The following ARHGAP39 variants were observed in gnomAD, a reference collection of about 807,000 sequenced individuals.
The protein encoded by ARHGAP39 is rho GTPase-activating protein 39.
Under a neutral mutation model 106.9 loss-of-function variants are expected in ARHGAP39, and 44 were observed. The ratio of observed to expected loss-of-function variants is 0.41; its 90% CI spans 0.32 to 0.53. The LOEUF (loss-of-function observed/expected upper bound fraction) is 0.53. ARHGAP39 is among the 20% of genes least tolerant of loss of function. The pLI, the probability that ARHGAP39 is intolerant of heterozygous loss-of-function variation, is 0.21. For missense variants in ARHGAP39, 1,496 were observed against 1,577.3 expected, an observed-to-expected ratio of 0.95 and a Z score of 0.87; for synonymous variants, 768 against 693.2, an observed-to-expected ratio of 1.11 and a Z score of -1.69.
intron 2 of ARHGAP39, among the ~76,000 whole-genome samples, chr8:144,592,655 C>T (rs1187123327): frequency 6.7e-6 from 1 of 149,894 alleles, no homozygotes; most frequent in Non-Finnish European, 1.5e-5. Context: ...CCTCGGGAAA[C>T]CTGAGGGCAC....
At chr8:144,602,054 G>A (rs1233955441) in intron 2 of ARHGAP39, among the ~76,000 whole-genome samples, 2 of 132,680 alleles carry the variant, frequency 1.5e-5, no homozygotes, top group Non-Finnish European at 3.1e-5. Context: ...TGTGCGTGGA[G>A]GCATGCGTGC....
intron 1 of ARHGAP39, among the ~76,000 whole-genome samples, chr8:144,653,479 A>C (rs1821623100): frequency 6.6e-6 from 1 of 152,168 alleles, no homozygotes; most frequent in Admixed American, 6.5e-5. Flanking sequence ...TGGAAAAAAG[A>C]GGCCCCTTCA....
chr8:144,687,904 G>A (rs112612956), upstream of ARHGAP39, among the ~76,000 whole-genome samples: 83 of 114,430 alleles, frequency 7.3e-4, no homozygotes, highest in African/African-American at 2.3e-3. Flanking sequence ...TTCCCACCCC[G>A]TGACCACACA....
At chr8:144,581,906 G>A (rs569519681) in intron 2 of ARHGAP39, among the ~76,000 whole-genome samples, 48 of 152,298 alleles carry the variant, frequency 3.2e-4, no homozygotes, top group Non-Finnish European at 6.6e-4. Context: ...GTTTCTACAC[G>A]GAAACAAAAA....
At chr8:144,694,690 CT>C in the ARHGAP39 span, among the ~76,000 whole-genome samples, 1 of 152,202 alleles carries the variant, frequency 6.6e-6, no homozygotes, top group South Asian at 2.1e-4. Context: ...CATAGAGTAT[CT>C]GTCCTGGACA....
At chr8:144,582,044 G>A (rs1300006412) in intron 2 of ARHGAP39, among the ~76,000 whole-genome samples, 5 of 151,926 alleles carry the variant, frequency 3.3e-5, no homozygotes, top group African/African-American at 9.7e-5. Context: ...GAGGTGTCTC[G>A]TTAGCCCTGC....
At chr8:144,609,349 C>T (rs1425596517) in intron 1 of ARHGAP39, among the ~76,000 whole-genome samples, 2 of 150,618 alleles carry the variant, frequency 1.3e-5, no homozygotes, top group African/African-American at 4.9e-5. Flanking sequence ...ATTCTTAAAC[C>T]AATTACGTAT....
At chr8:144,541,958 C>A (rs117001028) in intron 6 of ARHGAP39, among the ~76,000 whole-genome samples, 3,011 of 139,532 alleles carry the variant, frequency 0.022, 35 homozygotes, top group Non-Finnish European at 0.031. Context: ...TACCATTTTA[C>A]ATTCCTTTCT....
chr8:144,624,103 C>T (rs1274191348), intron 1 of ARHGAP39, among the ~76,000 whole-genome samples: 2 of 152,162 alleles, frequency 1.3e-5, no homozygotes, highest in Non-Finnish European at 2.9e-5. Context: ...GCAGGCCTCC[C>T]GAAGAGAAGC....
intron 2 of ARHGAP39, among the ~76,000 whole-genome samples, chr8:144,594,829 G>T (rs1312005368): frequency 1.3e-5 from 2 of 152,142 alleles, no homozygotes; most frequent in Non-Finnish European, 2.9e-5. Flanking sequence ...AGGTTGCAGT[G>T]AGCCAAGATG....
the ARHGAP39 span, among the ~76,000 whole-genome samples, chr8:144,699,560 T>C: frequency 1.1e-4 from 7 of 63,650 alleles, no homozygotes; most frequent in African/African-American, 4.0e-4. Context: ...CAAGGTGCTG[T>C]GGGAGGCTTA....
intron 2 of ARHGAP39, among the ~76,000 whole-genome samples, chr8:144,599,220 A>G (rs555745124): frequency 6.6e-6 from 1 of 152,362 alleles, no homozygotes; most frequent in African/African-American, 2.4e-5. Context: ...TTATACAAGC[A>G]GACTGCAGCA....
At chr8:144,540,322 C>T (rs907679721) in intron 6 of ARHGAP39, among the ~76,000 whole-genome samples, 1 of 152,144 alleles carries the variant, frequency 6.6e-6, no homozygotes, top group Non-Finnish European at 1.5e-5. Context: ...TAGCTTGAGC[C>T]CAAGAGTTGG....
chr8:144,574,385 A>G (rs1394057921), intron 3 of ARHGAP39, among the ~76,000 whole-genome samples: 1 of 152,060 alleles, frequency 6.6e-6, no homozygotes, highest in Non-Finnish European at 1.5e-5. Context: ...AAATAAAAAA[A>G]TTAGGCTGGG....
chr8:144,542,351 T>C (rs548086233), intron 6 of ARHGAP39, among the ~76,000 whole-genome samples: 108 of 152,272 alleles, frequency 7.1e-4, no homozygotes, highest in Non-Finnish European at 1.2e-3. Flanking sequence ...CCGAGGGTGG[T>C]GACCACACAG....
chr8:144,609,890 T>C (rs914730741), intron 1 of ARHGAP39, among the ~76,000 whole-genome samples: 1 of 152,236 alleles, frequency 6.6e-6, no homozygotes, highest in African/African-American at 2.4e-5. Context: ...CGAGTTTATA[T>C]AGAATTGCTA....
chr8:144,676,690 C>T (rs1294846232), intron 1 of ARHGAP39, among the ~76,000 whole-genome samples: 1 of 152,258 alleles, frequency 6.6e-6, no homozygotes, highest in African/African-American at 2.4e-5. Context: ...CCAGAGGAAG[C>T]TCGTCCCAGA....
chr8:144,616,090 G>T (rs1194191006), intron 1 of ARHGAP39, among the ~76,000 whole-genome samples: 2 of 152,252 alleles, frequency 1.3e-5, no homozygotes, highest in African/African-American at 2.4e-5. Context: ...CGCAGAAAAA[G>T]AATTTCTTAC....
At chr8:144,559,529 G>A (rs1237780088) in intron 3 of ARHGAP39, among the ~76,000 whole-genome samples, 2 of 152,158 alleles carry the variant, frequency 1.3e-5, no homozygotes, top group African/African-American at 2.4e-5. Context: ...GAGACCAATC[G>A]TGTGTCTGAG....
Sources: allele counts gnomAD v4.1 joint callset (sites outside exome capture counted in the v4.1 genomes callset), GRCh38; gene constraint gnomAD v4.1.1; transcripts MANE v1.5; gene names NCBI Gene and HGNC (gene_info 2026-07-23, HGNC 2026-07-21).